The following SLC6A20 variants were observed in gnomAD, a reference collection of about 807,000 sequenced individuals.
The protein encoded by SLC6A20 is sodium- and chloride-dependent transporter XTRP3.
A neutral mutation model predicts 64.3 loss-of-function variants in SLC6A20; 73 were observed. That is an observed-to-expected ratio of 1.14 (90% CI 0.94 to 1.38). The LOEUF is 1.38. Ranked by LOEUF, SLC6A20 falls within the 40% of genes most tolerant of loss-of-function variation. The pLI, the probability that SLC6A20 is intolerant of heterozygous loss-of-function variation, is 0.00. For synonymous variants in SLC6A20, 347 were observed against 329.6 expected (o/e 1.05, Z -0.57); for missense variants, 725 against 772.8 (o/e 0.94, Z 0.73).
chr3:45,782,094 A>C lies in SLC6A20; in HGVS notation c.251T>G (p.Leu84Arg), dbSNP rs760060727. 6.2e-7 allele frequency: 1 copy of C among 1,609,498 alleles called. No homozygotes were observed. The change falls in exon 2 of 11, where the codon CTC (leucine) becomes CGC (arginine). Residue 84 changes from leucine (L) to arginine (R), a missense_variant. Leu to Arg is a moderately radical substitution (Grantham distance 102). Coordinates refer to ENST00000358525, the MANE Select transcript of SLC6A20 (RefSeq NM_020208.4). Reference sequence around the variant, plus strand: ...GGGGCCCCACGTACCGACACCACTGAGGTACGGGCTGATGGTCCTCCAGGC... The same window carrying C: ...GGGGCCCCACGTACCGACACCACTGCGGTACGGGCTGATGGTCCTCCAGGC... ...IGAWRTISPY[L>R]SGVGVASVVV... is the part of the protein sequence containing the mutation.
chr3:45,760,432 C>G (rs1398417897), intron 9 of SLC6A20, among the ~76,000 whole-genome samples: 1 of 151,974 alleles, frequency 6.6e-6, no homozygotes, highest in East Asian at 1.9e-4. Context: ...ACCCAGCCCG[C>G]CCCTGTCAAT....
intron 1 of SLC6A20, among the ~76,000 whole-genome samples, chr3:45,794,623 C>CA (rs1354564969): frequency 3.9e-5 from 6 of 152,184 alleles, no homozygotes; most frequent in African/African-American, 1.4e-4. Flanking sequence ...CCAGAACTAT[C>CA]AGCCCCACAT....
chr3:45,757,749 T>C lies in SLC6A20; in HGVS notation c.*1229A>G, dbSNP rs1270130610. ...ATGGACTAATGCGATATCATAGATA[T>C]GGTGTGTCTTCAGTTACAAGATGCT... On this transcript the variant is annotated 3_prime_UTR_variant, in exon 11 of 11. Coordinates refer to ENST00000358525, the MANE Select transcript of SLC6A20 (RefSeq NM_020208.4). 2.0e-5 allele frequency: 3 copies of C among 152,962 alleles called. No individual in the cohort carries two copies. Among genetic ancestry groups the C allele is most frequent in the South Asian group, 4.1e-4 (2 of 4,868 alleles). The allele number at this position is 152,962 out of a possible 1,614,324, so 9.5% of individuals were successfully genotyped here.
At chr3:45,780,192 G>A (rs893526917) in intron 2 of SLC6A20, 92 bp from the exon 3 acceptor site, 28 of 1,288,660 alleles carry the variant, frequency 2.2e-5, no homozygotes, top group African/African-American at 7.5e-5. Context: ...CACCTGTGGC[G>A]ACCGCCCCGG....
rs373118464 is a variant in SLC6A20 at position 45,780,001 on chromosome 3, C to G, written c.354+8G>C. 6.3e-7 allele frequency: 1 copy of G among 1,594,626 alleles called. No individual in the cohort carries two copies. The highest frequency in any genetic ancestry group is 1.1e-5 in the South Asian group (1 of 87,700). ...TACTCCTGTTCTGGCACGGGCCCCCCGGCTCACCTGGAAGGAGTGGAAGAG... is the reference window on the plus strand; with the variant it reads ...TACTCCTGTTCTGGCACGGGCCCCCGGGCTCACCTGGAAGGAGTGGAAGAG... On this transcript the variant is annotated splice_region_variant and intron_variant, in intron 3 of 10. Transcript: ENST00000358525.
At chr3:45,761,967 T>TC (rs1314754734) in intron 9 of SLC6A20, among the ~76,000 whole-genome samples, 1 of 151,978 alleles carries the variant, frequency 6.6e-6, no homozygotes, top group African/African-American at 2.4e-5. Flanking sequence ...TGTCAATGTC[T>TC]CCCTCCCCAC....
intron 7 of SLC6A20, among the ~76,000 whole-genome samples, chr3:45,769,894 T>C (rs1321088232): frequency 1.3e-5 from 2 of 152,232 alleles, no homozygotes; most frequent in Non-Finnish European, 2.9e-5. Flanking sequence ...ATGTTTACAA[T>C]TGATCTTTCT....
intron 2 of SLC6A20, 40 bp downstream of exon 2, chr3:45,782,043 G>C (rs543202766): frequency 5.8e-6 from 9 of 1,549,972 alleles, no homozygotes; most frequent in Non-Finnish European, 5.2e-6. Context: ...CATGCTGCCC[G>C]GGTCTCTGGG....
intron 8 of SLC6A20, among the ~76,000 whole-genome samples, chr3:45,764,198 A>G (rs1336442207): frequency 6.6e-6 from 1 of 152,226 alleles, no homozygotes; most frequent in African/African-American, 2.4e-5. Context: ...TAATTGGAAA[A>G]GCCAGCTCAT....
chr3:45,781,179 C>T (rs1214271648), intron 2 of SLC6A20, among the ~76,000 whole-genome samples: 5 of 150,396 alleles, frequency 3.3e-5, no homozygotes, highest in African/African-American at 4.9e-5. Flanking sequence ...GAGATTGTGC[C>T]ATTGCACTCC....
At chr3:45,760,297 G>A (rs1170011682) in intron 9 of SLC6A20, among the ~76,000 whole-genome samples, 1 of 152,226 alleles carries the variant, frequency 6.6e-6, no homozygotes. Context: ...GCCTTCAGAT[G>A]AAGGCTGCTG....
chr3:45,778,388 A>G (rs1700009009), intron 3 of SLC6A20, among the ~76,000 whole-genome samples: 1 of 152,192 alleles, frequency 6.6e-6, no homozygotes, highest in Non-Finnish European at 1.5e-5. Context: ...TGCAGCTACT[A>G]TTCCTCTCAT....
intron 4 of SLC6A20, 86 bp from the exon 5 acceptor site, chr3:45,772,701 G>T: frequency 1.8e-6 from 2 of 1,093,758 alleles, no homozygotes; most frequent in Non-Finnish European, 2.7e-6. Context: ...CCACATCTGG[G>T]GTATTCAGGC....
At chr3:45,779,940 G>A in intron 3 of SLC6A20, 69 bp downstream of exon 3, 1 of 1,500,236 alleles carries the variant, frequency 6.7e-7, no homozygotes, top group Non-Finnish European at 9.1e-7. Context: ...CCTTCCCCGA[G>A]CGGGTGGCCC....
rs886058544 is a variant in SLC6A20, at chr3:45,772,539, G to A, written c.659C>T (p.Ala220Val). 1 of 1,613,960 alleles carries A rather than the reference G, an allele frequency of 6.2e-7. No individual in the cohort carries two copies. The highest frequency in any genetic ancestry group is 2.2e-5 in the East Asian group (1 of 44,876). ...YLIRGLTLHG[A>V]TNGLMYMFTP... ...GAACATGTACATGAGGCCATTGGTG[G>A]CTCCGTGGAGCGTGAGGCCCCTGAT... The change falls in exon 5 of 11, where the codon GCC (alanine) becomes GTC (valine). Residue 220 changes from alanine to valine, a missense_variant. Physicochemically the swap from Ala to Val is moderately conservative, Grantham distance 64 (BLOSUM62 0). Transcript: ENST00000358525.
At chr3:45,783,580 C>T (rs1229695934) in intron 1 of SLC6A20, among the ~76,000 whole-genome samples, 1 of 152,224 alleles carries the variant, frequency 6.6e-6, no homozygotes. Context: ...CAGCTTTCTG[C>T]CATCCTAAAC....
At chr3:45,784,992 G>C (rs1349121065) in intron 1 of SLC6A20, among the ~76,000 whole-genome samples, 2 of 152,180 alleles carry the variant, frequency 1.3e-5, no homozygotes, top group Non-Finnish European at 2.9e-5. Flanking sequence ...CATTGACAAG[G>C]CCAGAGTCCT....
chr3:45,784,892 G>C (rs1407221833), intron 1 of SLC6A20, among the ~76,000 whole-genome samples: 1 of 152,124 alleles, frequency 6.6e-6, no homozygotes, highest in South Asian at 2.1e-4. Flanking sequence ...AGCAAAGGGA[G>C]CAAGAGGGAG....
At chr3:45,783,998 T>C (rs1483583950) in intron 1 of SLC6A20, among the ~76,000 whole-genome samples, 3 of 152,236 alleles carry the variant, frequency 2.0e-5, no homozygotes, top group Non-Finnish European at 4.4e-5. Context: ...TGAAGCCACA[T>C]TCAAACCCTC....
Sources: gnomAD v4.1 joint callset for allele counts (sites outside exome capture counted in the v4.1 genomes callset) on GRCh38, gnomAD v4.1.1 for gene constraint, MANE v1.5 for transcripts, NCBI Gene and HGNC (gene_info 2026-07-23, HGNC 2026-07-21) for gene names.